Variants in OR5V1 observed in about 807,000 individuals in gnomAD.
OR5V1 encodes the protein olfactory receptor family 5 subfamily V member 1.
For synonymous variants in OR5V1, 134 were observed against 143.2 expected, an observed-to-expected ratio of 0.94 and a Z score of 0.46; for missense variants, 365 against 371.5, an observed-to-expected ratio of 0.98 and a Z score of 0.14.
intron 1 of OR5V1, among the ~76,000 whole-genome samples, chr6:29,366,933 T>A (rs983393464): frequency 2.6e-5 from 4 of 152,196 alleles, no homozygotes; most frequent in African/African-American, 9.6e-5. Flanking sequence ...CTCCTGATGC[T>A]TTTGTTTTGT....
intron 1 of OR5V1, among the ~76,000 whole-genome samples, chr6:29,361,762 T>G (rs1778576489): frequency 1.3e-5 from 2 of 152,120 alleles, no homozygotes; most frequent in African/African-American, 4.8e-5. Context: ...CAGGCCTGCT[T>G]TACAAGAGCT....
At chr6:29,366,593 A>C (rs1236248095) in intron 1 of OR5V1, among the ~76,000 whole-genome samples, 1 of 152,072 alleles carries the variant, frequency 6.6e-6, no homozygotes, top group African/African-American at 2.4e-5. Context: ...AATTTCCTGC[A>C]TGTAGAAGCT....
Position 29,356,278 on chromosome 6 carries a change from CT to C in OR5V1, c.-82-2del. On this transcript the variant is annotated splice_acceptor_variant, in intron 1 of 1. Transcript: ENST00000641768. LOFTEE classifies it low-confidence loss of function (5UTR_SPLICE). ...GAATCATATGCTGCAATAGCATGAC[CT>C]GAAAAATAAGGGAAAAAACGGTTAC... 1 of 1,443,794 alleles carries C rather than the reference CT, an allele frequency of 6.9e-7. No homozygotes were observed. The highest frequency in any genetic ancestry group is 9.3e-7 in the Non-Finnish European group (1 of 1,078,088). 89.4% of individuals were successfully genotyped at this position (1,443,794 alleles called of 1,614,324 possible).
chr6:29,365,499 G>A (rs543664046), intron 1 of OR5V1, among the ~76,000 whole-genome samples: 13 of 152,236 alleles, frequency 8.5e-5, no homozygotes, highest in African/African-American at 3.1e-4. Flanking sequence ...TGATGGATAT[G>A]AACAGACACT....
At position 29,354,025 on chromosome 6, in the gene OR5V1, A is replaced by T. The variant is rs1411326663; in HGVS notation, c.*1205T>A. Reference sequence around the variant, plus strand: ...CAAGGCACTCCACTAGAACACTATGACAACATTACACAAAAGAGGGGCTGG... The same window carrying T: ...CAAGGCACTCCACTAGAACACTATGTCAACATTACACAAAAGAGGGGCTGG... On this transcript the variant is annotated 3_prime_UTR_variant, in exon 2 of 2. Transcript: ENST00000641768. 1.3e-5 allele frequency: 2 copies of T among 152,094 alleles called. No homozygotes were observed. The highest frequency in any genetic ancestry group is 3.9e-4 in the East Asian group (2 of 5,188). 9.4% of individuals were successfully genotyped at this position (152,094 alleles called of 1,614,324 possible). A position where few individuals can be genotyped will look rare whatever the true frequency, so the allele number is the denominator to read the frequency against.
chr6:29,362,680 A>T (rs539997961), intron 1 of OR5V1, among the ~76,000 whole-genome samples: 1 of 152,304 alleles, frequency 6.6e-6, no homozygotes, highest in East Asian at 1.9e-4. Context: ...TACATTAACA[A>T]CCTGCTCCTG....
chr6:29,356,192 C>G lies in OR5V1; in HGVS notation c.4G>C (p.Glu2Gln), dbSNP rs759766933. The change falls in exon 2 of 2, where the codon GAA (glutamate) becomes CAA (glutamine). Residue 2 changes from glutamate (E) to glutamine (Q), a missense_variant. By Grantham distance (29) the Glu-to-Gln change is conservative. Coordinates refer to ENST00000641768, the MANE Select transcript of OR5V1 (RefSeq NM_030876.6). Reference protein sequence around the residue: MERKNQTAITEF... With the variant: MQRKNQTAITEF... ...GTTATAGCTGTTTGATTCTTTCTTTCCATGATGTCGCCTGGTTTCCTTTCA... is the reference window on the plus strand; with the variant it reads ...GTTATAGCTGTTTGATTCTTTCTTTGCATGATGTCGCCTGGTTTCCTTTCA... 1.9e-6 allele frequency: 3 copies of G among 1,559,412 alleles called. No individual in the cohort carries two copies. The highest frequency in any genetic ancestry group is 1.7e-6 in the Non-Finnish European group (2 of 1,158,732).
At chr6:29,366,310 TA>T (rs759132194) in intron 1 of OR5V1, among the ~76,000 whole-genome samples, 136 of 121,518 alleles carry the variant, frequency 1.1e-3, no homozygotes, top group South Asian at 4.5e-3. Context: ...TCCCTGAACT[TA>T]AAGTAAAGTA....
At chr6:29,358,641 T>C (rs1442637111) in intron 1 of OR5V1, among the ~76,000 whole-genome samples, 2 of 152,190 alleles carry the variant, frequency 1.3e-5, no homozygotes, top group African/African-American at 2.4e-5. Context: ...GAAAATCCTG[T>C]CATTTCTGAC....
chr6:29,355,090 G>A lies in OR5V1; in HGVS notation c.*140C>T. ...TCTCATAGAACTAACTAAAGCTCAAGAATAAGTACACTTAGACTGGAGTGT... is the reference window on the plus strand; with the variant it reads ...TCTCATAGAACTAACTAAAGCTCAAAAATAAGTACACTTAGACTGGAGTGT... On this transcript the variant is annotated 3_prime_UTR_variant, in exon 2 of 2. Transcript: ENST00000641768. 4.1e-6 allele frequency: 3 copies of A among 723,458 alleles called. No homozygotes were observed. Among genetic ancestry groups the A allele is most frequent in the Non-Finnish European group, 6.5e-6 (3 of 464,638 alleles). 44.8% of individuals were successfully genotyped at this position (723,458 alleles called of 1,614,324 possible). A position where few individuals can be genotyped will look rare whatever the true frequency, so the allele number is the denominator to read the frequency against.
chr6:29,366,808 G>A (rs73409562), intron 1 of OR5V1, among the ~76,000 whole-genome samples: 4,856 of 152,206 alleles, frequency 0.032, 174 homozygotes, highest in African/African-American at 0.089. Context: ...TTATGAGATG[G>A]TATCAGCTGT....
chr6:29,366,097 T>C (rs1778841449), intron 1 of OR5V1, among the ~76,000 whole-genome samples: 1 of 151,982 alleles, frequency 6.6e-6, no homozygotes, highest in Non-Finnish European at 1.5e-5. Flanking sequence ...AAGTGGGAGT[T>C]GAACAATGAG....
chr6:29,355,815 G>A lies in OR5V1; in HGVS notation c.381C>T (p.Cys127=). The change falls in exon 2 of 2, where the codon TGC becomes TGT. Residue 127 remains cysteine, a synonymous_variant. Coordinates refer to ENST00000641768, the MANE Select transcript of OR5V1 (RefSeq NM_030876.6). ...GAATAACTGAATACCTTAAAGGATT[G>A]CAGATTGCAATGTAACGATCATATG... ...AMAYDRYIAI[C]NPLRYSVILS... The A allele has an allele frequency of 2.5e-6, 4 of 1,614,060 alleles. No individual in the cohort carries two copies. Among genetic ancestry groups the A allele is most frequent in the Non-Finnish European group, 3.4e-6 (4 of 1,179,950 alleles).
At chr6:29,356,315 A>C (rs1164569117) in intron 1 of OR5V1, 38 bp from the exon 2 acceptor site, 1 of 1,169,764 alleles carries the variant, frequency 8.5e-7, no homozygotes, top group Non-Finnish European at 1.2e-6. Flanking sequence ...AAATAAAAGT[A>C]ATCACCATTT....
chr6:29,361,005 G>C (rs1778541130), intron 1 of OR5V1, among the ~76,000 whole-genome samples: 1 of 152,142 alleles, frequency 6.6e-6, no homozygotes, highest in Non-Finnish European at 1.5e-5. Flanking sequence ...AAAGGAGCAT[G>C]TTCTAACCCA....
At chr6:29,357,377 A>AC (rs1778366172) in intron 1 of OR5V1, among the ~76,000 whole-genome samples, 1 of 152,170 alleles carries the variant, frequency 6.6e-6, no homozygotes, top group Non-Finnish European at 1.5e-5. Context: ...GGTAAAAAAA[A>AC]GGTAGGTTTA....
intron 1 of OR5V1, among the ~76,000 whole-genome samples, chr6:29,356,933 T>C (rs929510273): frequency 6.6e-6 from 1 of 152,196 alleles, no homozygotes; most frequent in African/African-American, 2.4e-5. Context: ...TGTATGAATA[T>C]AGCAAAGTTT....
intron 1 of OR5V1, 117 bp downstream of exon 1, chr6:29,368,515 T>A (rs566608279): frequency 6.6e-6 from 1 of 152,238 alleles, no homozygotes; most frequent in South Asian, 2.1e-4. Context: ...ACTCCTCAGG[T>A]CATTACACTT....
chr6:29,364,519 C>CATCATGCTACCTGA (rs1450636779), intron 1 of OR5V1, among the ~76,000 whole-genome samples: 30 of 26,926 alleles, frequency 1.1e-3, no homozygotes, highest in East Asian at 3.4e-3. Context: ...CAAAGCTGGG[C>CATCATGCTACCTGA]CGGGCGCGGT....
Sources: gnomAD v4.1 joint callset for allele counts (sites outside exome capture counted in the v4.1 genomes callset) on GRCh38, gnomAD v4.1.1 for gene constraint, MANE v1.5 for transcripts, NCBI Gene and HGNC (gene_info 2026-07-23, HGNC 2026-07-21) for gene names.